Variants in MALRD1 observed in about 807,000 individuals in gnomAD.
MALRD1 encodes MAM and LDL receptor class A domain containing 1.
MALRD1 carries 247 observed loss-of-function variants against 242.1 expected under a neutral mutation model. That is an observed-to-expected ratio of 1.02 (90% CI 0.92 to 1.13). The LOEUF is 1.13. Among genes scored for constraint, MALRD1 ranks in the 50% most tolerant of loss-of-function variants. The probability of loss-of-function intolerance (pLI) is 0.00; values close to 1 mark genes in which losing one functional copy is unlikely to be tolerated. For synonymous variants in MALRD1, 995 were observed against 866.6 expected, an observed-to-expected ratio of 1.15 and a Z score of -2.60; for missense variants, 2,989 against 2,533.1, an observed-to-expected ratio of 1.18 and a Z score of -3.86.
chr10:19,401,116 G>A (rs115721866), intron 28 of MALRD1, among the ~76,000 whole-genome samples: 83 of 152,118 alleles, frequency 5.5e-4, no homozygotes, highest in African/African-American at 1.8e-3. Flanking sequence ...GTATTGAGTG[G>A]CCCCTGAATT....
At chr10:19,079,972 C>T (rs1835432021) in intron 2 of MALRD1, among the ~76,000 whole-genome samples, 1 of 151,984 alleles carries the variant, frequency 6.6e-6, no homozygotes, top group Non-Finnish European at 1.5e-5. Flanking sequence ...TATATGCCAA[C>T]ATCTGGCAAG....
chr10:19,249,828 A>C (rs770292185), intron 18 of MALRD1, among the ~76,000 whole-genome samples: 3 of 151,978 alleles, frequency 2.0e-5, no homozygotes, highest in Non-Finnish European at 2.9e-5. Context: ...AGAACAAAAG[A>C]CAAATATGGG....
intron 24 of MALRD1, among the ~76,000 whole-genome samples, chr10:19,341,943 G>A (rs1843900321): frequency 6.6e-6 from 1 of 151,100 alleles, no homozygotes; most frequent in Non-Finnish European, 1.5e-5. Context: ...TGAGTTTTTT[G>A]AGTTGATGTG....
intron 34 of MALRD1, among the ~76,000 whole-genome samples, chr10:19,603,462 A>G (rs1838460949): frequency 1.3e-5 from 2 of 151,986 alleles, no homozygotes; most frequent in South Asian, 4.1e-4. Flanking sequence ...TCCTTTCCTC[A>G]TTTCTTGTTT....
intron 26 of MALRD1, among the ~76,000 whole-genome samples, chr10:19,357,109 GA>G (rs11402108): frequency 8.9e-5 from 13 of 146,476 alleles, no homozygotes; most frequent in South Asian, 8.7e-4. Context: ...GACTCTGTCT[GA>G]AAAAAAAAAA....
chr10:19,519,607 A>G (rs1180498340), intron 31 of MALRD1, among the ~76,000 whole-genome samples: 1 of 149,306 alleles, frequency 6.7e-6, no homozygotes, highest in African/African-American at 2.5e-5. Flanking sequence ...TGTTGCTACA[A>G]TTTTTTTTTT....
At chr10:19,334,277 G>T (rs921644128) in intron 24 of MALRD1, among the ~76,000 whole-genome samples, 5 of 151,152 alleles carry the variant, frequency 3.3e-5, no homozygotes, top group African/African-American at 1.2e-4. Context: ...TTTTCTTCTT[G>T]AATTTTTATA....
At chr10:19,732,543 G>A (rs920155660) in intron 39 of MALRD1, among the ~76,000 whole-genome samples, 3 of 152,178 alleles carry the variant, frequency 2.0e-5, no homozygotes, top group African/African-American at 7.2e-5. Context: ...CATTACAGGC[G>A]TGAGCCACTG....
intron 26 of MALRD1, among the ~76,000 whole-genome samples, chr10:19,368,871 A>ATGTGTGTGTGTGTGTGTT (rs1845228457): frequency 7.1e-6 from 1 of 141,806 alleles, no homozygotes; most frequent in African/African-American, 2.6e-5. Flanking sequence ...TGATTTGTGT[A>ATGTGTGTGTGTGTGTGTT]TGTGTGTGTG....
At chr10:19,231,363 T>A (rs1221467985) in intron 18 of MALRD1, among the ~76,000 whole-genome samples, 1 of 152,190 alleles carries the variant, frequency 6.6e-6, no homozygotes, top group African/African-American at 2.4e-5. Flanking sequence ...CAAATCTCTA[T>A]CTCAAATCTG....
chr10:19,308,059 A>G (rs1404169258), intron 21 of MALRD1, among the ~76,000 whole-genome samples: 1 of 151,584 alleles, frequency 6.6e-6, no homozygotes, highest in Non-Finnish European at 1.5e-5. Context: ...TAGTTATTTT[A>G]AAATGTACAA....
At chr10:19,294,830 A>G (rs1841613756) in intron 21 of MALRD1, among the ~76,000 whole-genome samples, 1 of 152,172 alleles carries the variant, frequency 6.6e-6, no homozygotes, top group Non-Finnish European at 1.5e-5. Context: ...TTATTTTAGA[A>G]AAGTGTTTAG....
At chr10:19,216,276 C>T (rs777282308) in intron 18 of MALRD1, among the ~76,000 whole-genome samples, 2 of 151,888 alleles carry the variant, frequency 1.3e-5, no homozygotes, top group Non-Finnish European at 2.9e-5. Flanking sequence ...TGCCACCACA[C>T]CCAGCTAATT....
At chr10:19,490,508 G>GGGT (rs1554783719) in intron 29 of MALRD1, among the ~76,000 whole-genome samples, 9 of 99,546 alleles carry the variant, frequency 9.0e-5, no homozygotes, top group Middle Eastern at 4.5e-3. Context: ...AAGTGGGGCG[G>GGGT]GGGGGGGGCA....
Position 19,374,375 on chromosome 10 carries a change from A to C in MALRD1, c.4442-13153A>C, listed in dbSNP as rs1319489571. On this transcript the variant is annotated intron_variant, in intron 26 of 39. Transcript: ENST00000454679. ...TAAAATTTTCAGTGTAATAGTTTAC[A>C]TGATAAATGTTCACATTAAAAATCT... 3.3e-5 allele frequency among the ~76,000 whole-genome samples: 5 copies of C among 152,346 alleles called. No individual in the cohort carries two copies. In the East Asian group the frequency reaches 9.6e-4, roughly 29 times the overall value.
At chr10:19,464,529 G>C (rs1323896121) in intron 29 of MALRD1, among the ~76,000 whole-genome samples, 1 of 151,988 alleles carries the variant, frequency 6.6e-6, no homozygotes, top group Non-Finnish European at 1.5e-5. Context: ...TAAGTATTTG[G>C]GGTTTATTTA....
At chr10:19,691,033 G>A (rs1431665682) in intron 36 of MALRD1, among the ~76,000 whole-genome samples, 1 of 152,046 alleles carries the variant, frequency 6.6e-6, no homozygotes, top group Non-Finnish European at 1.5e-5. Context: ...AACTCAGAGT[G>A]AAAATGTGTC....
chr10:19,394,613 C>T (rs953183528), intron 28 of MALRD1, among the ~76,000 whole-genome samples: 1 of 152,126 alleles, frequency 6.6e-6, no homozygotes, highest in Non-Finnish European at 1.5e-5. Context: ...TGCATCCATC[C>T]AAACCCACCT....
chr10:19,237,774 C>A (rs183542075), intron 18 of MALRD1, among the ~76,000 whole-genome samples: 15 of 102,862 alleles, frequency 1.5e-4, no homozygotes. Context: ...TATATAAAAA[C>A]ATAATTATTT....
Sources: allele counts gnomAD v4.1 joint callset (sites outside exome capture counted in the v4.1 genomes callset), GRCh38; gene constraint gnomAD v4.1.1; transcripts MANE v1.5; gene names NCBI Gene and HGNC (gene_info 2026-07-23, HGNC 2026-07-21).